Variants in SF3A3 observed in about 807,000 individuals in gnomAD.
The protein encoded by SF3A3 is SAP 61.
Under a neutral mutation model 85.8 loss-of-function variants are expected in SF3A3, and 9 were observed. That is an observed-to-expected ratio of 0.10 (90% confidence interval 0.06 to 0.18). The LOEUF is 0.18. SF3A3 is among the 10% of genes least tolerant of loss of function. The pLI, the probability that SF3A3 is intolerant of heterozygous loss-of-function variation, is 1.00. For missense variants in SF3A3, 306 were observed against 593.3 expected (o/e 0.52, Z 5.03); for synonymous variants, 195 against 204.4 (o/e 0.95, Z 0.39).
At chr1:37,985,742 G>GTTA (rs1646451741) in intron 4 of SF3A3, among the ~76,000 whole-genome samples, 1 of 152,024 alleles carries the variant, frequency 6.6e-6, no homozygotes, top group South Asian at 2.1e-4. Flanking sequence ...TTCTCCCTTG[G>GTTA]TTAGCAGAAG....
At chr1:37,989,070 T>A (rs1313377739) in intron 2 of SF3A3, among the ~76,000 whole-genome samples, 2 of 151,824 alleles carry the variant, frequency 1.3e-5, no homozygotes, top group Non-Finnish European at 1.5e-5. Flanking sequence ...GGTAGGTGGA[T>A]CACGAGGTCA....
intron 6 of SF3A3, among the ~76,000 whole-genome samples, chr1:37,983,516 GGTCTA>G (rs745554268): frequency 5.4e-5 from 7 of 129,900 alleles, no homozygotes; most frequent in Non-Finnish European, 3.1e-5. Context: ...GAGTCCAAGA[GGTCTA>G]GGCTACAGTG....
chr1:37,978,459 C>T (rs1646394903), intron 11 of SF3A3, among the ~76,000 whole-genome samples: 1 of 152,134 alleles, frequency 6.6e-6, no homozygotes, highest in Admixed American at 6.6e-5. Flanking sequence ...CTTTTAGCCT[C>T]CATAACCTAT....
chr1:37,985,812 C>T (rs1156438043), intron 4 of SF3A3, among the ~76,000 whole-genome samples: 4 of 152,244 alleles, frequency 2.6e-5, no homozygotes, highest in South Asian at 4.1e-4. Flanking sequence ...TTTACCTCCG[C>T]GCTATGTATT....
rs1426934651 is a variant in SF3A3 at position 37,979,009 on chromosome 1, G to C, written c.806C>G (p.Ala269Gly). ...GLDRLKSALL[A>G]LGLKCGGTLE... ...TTACCCGCCACATTTCAAGCCTAAA[G>C]CTAAGAGAGCAGATTTCAATCTGTC... Residue 269 changes from alanine to glycine, a missense_variant, in exon 10 of 17, where the codon GCT becomes GGT. By Grantham distance (60) the Ala-to-Gly change is moderately conservative. Transcript: ENST00000373019. 1 of 1,613,862 alleles carries C rather than the reference G, an allele frequency of 6.2e-7. No individual in the cohort carries two copies. The highest frequency in any genetic ancestry group is 8.5e-7 in the Non-Finnish European group (1 of 1,179,858).
intron 4 of SF3A3, among the ~76,000 whole-genome samples, chr1:37,985,080 T>A (rs1332988973): frequency 6.6e-6 from 1 of 152,216 alleles, no homozygotes; most frequent in Non-Finnish European, 1.5e-5. Context: ...AGTGCTGGGA[T>A]TACAGGCATG....
chr1:37,978,728 G>C lies in SF3A3; in HGVS notation c.927C>G (p.Gly309=). The change falls in exon 11 of 17, where the codon GGC becomes GGG. Residue 309 remains glycine (G), a synonymous_variant. Coordinates refer to ENST00000373019, the MANE Select transcript of SF3A3 (RefSeq NM_006802.4). The part of the protein sequence containing the change: ...SLFAKNPKSK[G]TKRDTERNKD... ...CTACCCCAGCCACTCACCGCTTGGTGCCCTTTGACTTGGGATTTTTGGCAA... is the reference window on the plus strand; with the variant it reads ...CTACCCCAGCCACTCACCGCTTGGTCCCCTTTGACTTGGGATTTTTGGCAA... 6.4e-7 allele frequency: 1 copy of C among 1,558,226 alleles called. No individual in the cohort carries two copies. The highest frequency in any genetic ancestry group is 1.9e-5 in the Admixed American group (1 of 51,888).
chr1:37,964,620 A>G (rs574572661), intron 15 of SF3A3, among the ~76,000 whole-genome samples: 2 of 152,310 alleles, frequency 1.3e-5, no homozygotes, highest in East Asian at 3.9e-4. Context: ...AAATTAAAAA[A>G]GAAATTAAAT....
chr1:37,970,032 T>C (rs565711343), intron 12 of SF3A3, among the ~76,000 whole-genome samples: 2 of 152,046 alleles, frequency 1.3e-5, no homozygotes, highest in Admixed American at 6.6e-5. Flanking sequence ...TGGCTGGGTG[T>C]GGTGGCTCAC....
At chr1:37,988,857 T>TTGTGTG (rs547811229) in intron 2 of SF3A3, among the ~76,000 whole-genome samples, 1,766 of 146,726 alleles carry the variant, frequency 0.012, 30 homozygotes, top group African/African-American at 0.042. Flanking sequence ...ACGGGGTGTG[T>TTGTGTG]TGTGTGTGTG....
chr1:37,979,532 T>C lies in SF3A3; in HGVS notation c.692A>G (p.Lys231Arg). 6.2e-7 allele frequency: 1 copy of C among 1,611,100 alleles called. No homozygotes were observed. The highest frequency in any genetic ancestry group is 2.2e-5 in the East Asian group (1 of 44,794). Residue 231 changes from lysine (K) to arginine (R), a missense_variant and splice_region_variant, in exon 9 of 17, where the codon AAA becomes AGA. Lys to Arg is a conservative substitution (Grantham distance 26, BLOSUM62 2). Coordinates refer to ENST00000373019, the MANE Select transcript of SF3A3 (RefSeq NM_006802.4). ...WENGTFPGWP[K>R]ETSSALTHAG... ...ATGGGTCAGGGCACTGCTTGTCTCTTTCTGGAAAGAACAATATGGTATTTA... is the reference window on the plus strand; with the variant it reads ...ATGGGTCAGGGCACTGCTTGTCTCTCTCTGGAAAGAACAATATGGTATTTA...
At chr1:37,971,659 T>G (rs969378670) in intron 12 of SF3A3, among the ~76,000 whole-genome samples, 1 of 152,198 alleles carries the variant, frequency 6.6e-6, no homozygotes, top group African/African-American at 2.4e-5. Flanking sequence ...TTATCCACCA[T>G]GATCAAGTTG....
rs1371240468 is a variant in SF3A3, at chr1:37,969,709, A to G, written c.1032T>C (p.Asn344=). 3.7e-6 allele frequency: 6 copies of G among 1,613,928 alleles called. No homozygotes were observed. In the African/African-American group the frequency reaches 5.3e-5, roughly 14 times the overall value. The change falls in exon 13 of 17, where the codon AAT becomes AAC. Residue 344 remains asparagine (N), a synonymous_variant. Coordinates refer to ENST00000373019, the MANE Select transcript of SF3A3 (RefSeq NM_006802.4). ...CTGTCCTGGCTTGCTTGCGCTGTAC[A>G]TTTTCATGAGTGAGATGTCGCTGTT... The part of the protein sequence containing the change: ...LGEQRHLTHE[N]VQRKQARTGE...
chr1:37,962,527 C>T (rs1490498194), intron 15 of SF3A3, among the ~76,000 whole-genome samples: 3 of 145,126 alleles, frequency 2.1e-5, no homozygotes, highest in Admixed American at 7.3e-5. Context: ...CGCTTGAACC[C>T]GGGAGGTGGA....
At chr1:37,983,162 T>A (rs1030469806) in intron 6 of SF3A3, among the ~76,000 whole-genome samples, 1 of 147,182 alleles carries the variant, frequency 6.8e-6, no homozygotes, top group Non-Finnish European at 1.5e-5. Context: ...GGTCTTGAAC[T>A]CCTGACCCCA....
chr1:37,962,643 A>C (rs1646269989), intron 15 of SF3A3, among the ~76,000 whole-genome samples: 1 of 150,638 alleles, frequency 6.6e-6, no homozygotes, highest in South Asian at 2.1e-4. Flanking sequence ...ATAAAGTGCG[A>C]CCAATCACCT....
At chr1:37,971,182 C>T (rs150876433) in intron 12 of SF3A3, among the ~76,000 whole-genome samples, 2,511 of 152,086 alleles carry the variant, frequency 0.017, 63 homozygotes, top group African/African-American at 0.057. Flanking sequence ...ATATCAACAC[C>T]GATCCCACAG....
chr1:37,981,631 T>C (rs1381397455), intron 7 of SF3A3, 98 bp downstream of exon 7: 1 of 778,158 alleles, frequency 1.3e-6, no homozygotes, highest in Non-Finnish European at 2.3e-6. Flanking sequence ...TGCCTTCATG[T>C]ATGCCTTCCA....
chr1:37,981,358 A>G (rs1646417467), intron 7 of SF3A3, among the ~76,000 whole-genome samples: 1 of 152,220 alleles, frequency 6.6e-6, no homozygotes, highest in Non-Finnish European at 1.5e-5. Flanking sequence ...TAACAAAAAC[A>G]TAAATTTTTC....
Sources: allele counts gnomAD v4.1 joint callset (sites outside exome capture counted in the v4.1 genomes callset), GRCh38; gene constraint gnomAD v4.1.1; transcripts MANE v1.5; gene names NCBI Gene and HGNC (gene_info 2026-07-23, HGNC 2026-07-21).